MACROD2: variants seen among roughly 807,000 people sequenced by gnomAD.
MACROD2 encodes the protein mono-ADP ribosylhydrolase 2.
A neutral mutation model predicts 70.4 loss-of-function variants in MACROD2; 36 were observed. That is an observed-to-expected ratio of 0.51 (90% CI 0.39 to 0.68). MACROD2 has a LOEUF of 0.68. Ranked by LOEUF, MACROD2 falls within the 30% of genes least tolerant of loss-of-function variation. MACROD2 has a pLI of 0.00. For synonymous variants in MACROD2, 172 were observed against 178.8 expected, an observed-to-expected ratio of 0.96 and a Z score of 0.30; for missense variants, 496 against 538.4, an observed-to-expected ratio of 0.92 and a Z score of 0.78.
Position 15,011,450 on chromosome 20 carries a change from C to A in MACROD2, c.419-218490C>A, listed in dbSNP as rs1396737147. 2.6e-5 allele frequency among the ~76,000 whole-genome samples: 4 copies of A among 152,230 alleles called. No homozygotes were observed. The East Asian group carries it at 7.7e-4, about 29-fold the overall frequency. The stretch of plus-strand genomic sequence containing the variant: ...TCCTATATTAATAGCTAAACCCTGT[C>A]CTTATTATCCATTCAGTGTGTATGA... On this transcript the variant is annotated intron_variant, in intron 5 of 17. Transcript: ENST00000684519.
At chr20:14,717,917 C>G (rs1274452856) in intron 5 of MACROD2, among the ~76,000 whole-genome samples, 2 of 152,040 alleles carry the variant, frequency 1.3e-5, no homozygotes, top group South Asian at 2.1e-4. Flanking sequence ...ATTGTTCTCC[C>G]TAAGCACAGA....
At chr20:15,194,338 A>G (rs568022915) in intron 5 of MACROD2, among the ~76,000 whole-genome samples, 2 of 151,914 alleles carry the variant, frequency 1.3e-5, no homozygotes, top group African/African-American at 2.4e-5. Context: ...TATCAACCAT[A>G]CAGTGTTAAA....
chr20:14,722,592 A>T (rs904059738), intron 5 of MACROD2, among the ~76,000 whole-genome samples: 1 of 152,178 alleles, frequency 6.6e-6, no homozygotes, highest in African/African-American at 2.4e-5. Flanking sequence ...TGGTTTTTAA[A>T]CATAATTCTA....
rs769764978 is a variant in MACROD2, at chr20:14,424,433, T to G, written c.272-69046T>G. On this transcript the variant is annotated intron_variant, in intron 3 of 17. Transcript: ENST00000684519. ...CCACTGATACCACTGATAATTTGCT[T>G]CTTCTTTCTCTCCTCTGTCCACATT... Among the ~76,000 whole-genome samples, 7 of 152,242 alleles carry G rather than the reference T, an allele frequency of 4.6e-5. No individual in the cohort carries two copies. In the East Asian group the frequency reaches 7.7e-4, roughly 17 times the overall value.
At chr20:14,311,683 A>G (rs2082568374) in intron 3 of MACROD2, among the ~76,000 whole-genome samples, 1 of 151,806 alleles carries the variant, frequency 6.6e-6, no homozygotes, top group African/African-American at 2.4e-5. Flanking sequence ...ATGCCTGCCT[A>G]ATTTTTGTAT....
At chr20:14,675,654 C>G (rs1045953098) in intron 4 of MACROD2, among the ~76,000 whole-genome samples, 5 of 152,076 alleles carry the variant, frequency 3.3e-5, no homozygotes, top group Admixed American at 1.3e-4. Context: ...AACAAATGGG[C>G]AAAATAACCA....
At chr20:15,703,353 AC>A (rs2050487627) in intron 8 of MACROD2, among the ~76,000 whole-genome samples, 1 of 152,188 alleles carries the variant, frequency 6.6e-6, no homozygotes, top group African/African-American at 2.4e-5. Flanking sequence ...CAATGGGCTT[AC>A]CATGTTGACA....
At chr20:14,545,147 G>GA (rs2085478065) in intron 4 of MACROD2, among the ~76,000 whole-genome samples, 1 of 152,242 alleles carries the variant, frequency 6.6e-6, no homozygotes, top group East Asian at 1.9e-4. Flanking sequence ...GCCTGTCTAG[G>GA]AAAAAAGACA....
chr20:15,007,305 G>GA (rs1414819401), intron 5 of MACROD2, among the ~76,000 whole-genome samples: 2 of 152,018 alleles, frequency 1.3e-5, no homozygotes, highest in East Asian at 3.9e-4. Flanking sequence ...TGGAGGTTGC[G>GA]GTGAGCCGAG....
intron 3 of MACROD2, among the ~76,000 whole-genome samples, chr20:14,486,441 C>G (rs1014541864): frequency 2.0e-5 from 3 of 150,240 alleles, no homozygotes; most frequent in Non-Finnish European, 4.4e-5. Flanking sequence ...CAGCCTTGGG[C>G]AGAGAACAAG....
intron 3 of MACROD2, among the ~76,000 whole-genome samples, chr20:14,089,396 A>C (rs1453556874): frequency 6.6e-6 from 1 of 152,222 alleles, no homozygotes; most frequent in East Asian, 1.9e-4. Context: ...AGTGAAAAAC[A>C]GTACCCCTAG....
intron 16 of MACROD2, 22 bp from the exon 17 acceptor site, chr20:16,044,547 CTT>C (rs746866121): frequency 1.3e-4 from 173 of 1,325,892 alleles, no homozygotes; most frequent in Admixed American, 2.5e-4. Flanking sequence ...GAATATTTAA[CTT>C]TTTTTTTTTT....
intron 15 of MACROD2, among the ~76,000 whole-genome samples, chr20:15,993,123 A>G (rs1425096020): frequency 6.6e-6 from 1 of 152,212 alleles, no homozygotes; most frequent in Non-Finnish European, 1.5e-5. Flanking sequence ...AGATAAAATT[A>G]TGGCTGTCAT....
rs571096489 is a variant in MACROD2 at position 15,050,613 on chromosome 20, C to T, written c.419-179327C>T. ...CTGGAGTGCAGTGGCATGATCTTGGCTCACTGCAAGCTCCGCCTCCTGGGT... is the reference window on the plus strand; with the variant it reads ...CTGGAGTGCAGTGGCATGATCTTGGTTCACTGCAAGCTCCGCCTCCTGGGT... On this transcript the variant is annotated intron_variant, in intron 5 of 17. Transcript: ENST00000684519. Among the ~76,000 whole-genome samples, 7 of 123,288 alleles carry T rather than the reference C, an allele frequency of 5.7e-5. No homozygotes were observed. In the East Asian group the frequency reaches 1.8e-3, roughly 31 times the overall value. The allele number at this position is 123,288 out of a possible 152,430, so 80.9% of individuals were successfully genotyped here. A position where few individuals can be genotyped will look rare whatever the true frequency, so the allele number is the denominator to read the frequency against.
chr20:15,730,659 G>A (rs1010504658), intron 8 of MACROD2, among the ~76,000 whole-genome samples: 1 of 151,794 alleles, frequency 6.6e-6, no homozygotes, highest in Non-Finnish European at 1.5e-5. Flanking sequence ...AATGATTGGT[G>A]TTTTGGGGAT....
At chr20:14,502,706 T>G (rs1285486448) in intron 4 of MACROD2, among the ~76,000 whole-genome samples, 1 of 152,132 alleles carries the variant, frequency 6.6e-6, no homozygotes, top group African/African-American at 2.4e-5. Context: ...TGATGGTGTA[T>G]CCAAATAAAG....
chr20:14,261,262 G>T (rs959179943), intron 3 of MACROD2, among the ~76,000 whole-genome samples: 1 of 151,852 alleles, frequency 6.6e-6, no homozygotes, highest in Non-Finnish European at 1.5e-5. Flanking sequence ...AGTAAGTGAA[G>T]TTTTTTTATT....
At chr20:14,628,050 C>T (rs1984287593) in intron 4 of MACROD2, among the ~76,000 whole-genome samples, 1 of 152,130 alleles carries the variant, frequency 6.6e-6, no homozygotes, top group African/African-American at 2.4e-5. Context: ...ACTATCTGAT[C>T]TGAACCTTTA....
chr20:15,319,430 C>CT (rs1354992170), intron 6 of MACROD2, among the ~76,000 whole-genome samples: 1 of 152,052 alleles, frequency 6.6e-6, no homozygotes, highest in Non-Finnish European at 1.5e-5. Flanking sequence ...TCCAATTGTC[C>CT]TTTTTTGCAG....
Sources: gnomAD v4.1 joint callset for allele counts (sites outside exome capture counted in the v4.1 genomes callset) on GRCh38, gnomAD v4.1.1 for gene constraint, MANE v1.5 for transcripts, NCBI Gene and HGNC (gene_info 2026-07-23, HGNC 2026-07-21) for gene names.